The following SDK1 variants were observed in gnomAD, a reference collection of about 807,000 sequenced individuals.
SDK1 encodes protein sidekick-1.
SDK1 carries 157 observed loss-of-function variants against 245.5 expected under a neutral mutation model. That is an observed-to-expected ratio of 0.64 (90% CI 0.56 to 0.73). SDK1 has a LOEUF of 0.73. Among genes scored for constraint, SDK1 ranks in the 30% least tolerant of loss-of-function variants. SDK1 has a pLI of 0.00. For missense variants in SDK1, 3,583 were observed against 3,002.3 expected (o/e 1.19, Z -4.52); for synonymous variants, 1,647 against 1,278.5 (o/e 1.29, Z -6.15).
intron 4 of SDK1, among the ~76,000 whole-genome samples, chr7:3,653,382 C>G (rs1783067745): frequency 6.6e-6 from 1 of 152,072 alleles, no homozygotes; most frequent in South Asian, 2.1e-4. Flanking sequence ...TAGAATGGCA[C>G]TTTTGTTGGG....
intron 4 of SDK1, among the ~76,000 whole-genome samples, chr7:3,679,864 A>G (rs1784044872): frequency 6.6e-6 from 1 of 152,242 alleles, no homozygotes; most frequent in Non-Finnish European, 1.5e-5. Flanking sequence ...TAAAAACAAA[A>G]CATACGCTTA....
intron 14 of SDK1, among the ~76,000 whole-genome samples, chr7:3,992,141 A>G (rs944935457): frequency 6.6e-6 from 1 of 152,188 alleles, no homozygotes; most frequent in African/African-American, 2.4e-5. Context: ...TGCAGGGGCC[A>G]AACCCACATG....
intron 1 of SDK1, among the ~76,000 whole-genome samples, chr7:3,442,178 A>G (rs1242498411): frequency 1.3e-5 from 2 of 152,232 alleles, no homozygotes; most frequent in African/African-American, 4.8e-5. Flanking sequence ...GAGCAGCCTA[A>G]TTCTAGTTAT....
At chr7:4,094,788 G>A (rs1157486855) in intron 22 of SDK1, among the ~76,000 whole-genome samples, 1 of 152,150 alleles carries the variant, frequency 6.6e-6, no homozygotes, top group Non-Finnish European at 1.5e-5. Flanking sequence ...TCAAGCCTAA[G>A]ACCTGACCTC....
At chr7:3,861,484 C>T (rs1470292647) in intron 5 of SDK1, among the ~76,000 whole-genome samples, 1 of 152,086 alleles carries the variant, frequency 6.6e-6, no homozygotes, top group African/African-American at 2.4e-5. Flanking sequence ...TGAACAGTTT[C>T]CACTGACCCC....
At chr7:4,058,154 C>A (rs1052452169) in intron 19 of SDK1, among the ~76,000 whole-genome samples, 1 of 151,508 alleles carries the variant, frequency 6.6e-6, no homozygotes, top group Non-Finnish European at 1.5e-5. Flanking sequence ...ACAAAATAAT[C>A]CAAAAAACAT....
chr7:4,172,025 C>T (rs988749229), intron 32 of SDK1, among the ~76,000 whole-genome samples: 3 of 152,202 alleles, frequency 2.0e-5, no homozygotes, highest in Non-Finnish European at 4.4e-5. Context: ...TGTGTCCAGG[C>T]TGGAGTAGTG....
chr7:3,492,623 A>C (rs1279363734), intron 1 of SDK1, among the ~76,000 whole-genome samples: 1 of 152,248 alleles, frequency 6.6e-6, no homozygotes, highest in East Asian at 1.9e-4. Context: ...TCCTCAGCGT[A>C]GCCAACTTGG....
rs1045334264 is a variant in SDK1, at chr7:4,238,947, A to G, written c.6130+1163A>G. On this transcript the variant is annotated intron_variant, in intron 42 of 44. Coordinates refer to ENST00000404826, the MANE Select transcript of SDK1 (RefSeq NM_152744.4). ...AACACAGTGACCTGGGGCACTGCTC[A>G]GACGTTGATGTTTTGCTGTGGCTCA... Among the ~76,000 whole-genome samples the G allele has an allele frequency of 7.9e-5, 12 of 152,256 alleles. No homozygotes were observed. In the South Asian group the frequency reaches 2.5e-3, roughly 32 times the overall value.
rs569453563 is a variant in SDK1, at chr7:3,590,206, G to A, written c.299-28874G>A. Among the ~76,000 whole-genome samples, 9 of 149,996 alleles carry A rather than the reference G, an allele frequency of 6.0e-5. No individual in the cohort carries two copies. The South Asian group carries it at 1.9e-3, about 32-fold the overall frequency. On this transcript the variant is annotated intron_variant, in intron 1 of 44. Transcript: ENST00000404826. ...GGTTCAGTTTCTTTATGTTTCTTCAGTTTTCTGTTACGGATACTGGAGCAG... is the reference window on the plus strand; with the variant it reads ...GGTTCAGTTTCTTTATGTTTCTTCAATTTTCTGTTACGGATACTGGAGCAG...
chr7:3,836,173 G>A (rs938624636), intron 5 of SDK1, among the ~76,000 whole-genome samples: 10 of 152,324 alleles, frequency 6.6e-5, no homozygotes, highest in Non-Finnish European at 7.3e-5. Context: ...AATAACACTC[G>A]TGTTCATGTT....
intron 3 of SDK1, among the ~76,000 whole-genome samples, chr7:3,640,828 C>A (rs550406689): frequency 6.6e-6 from 1 of 151,976 alleles, no homozygotes; most frequent in African/African-American, 2.4e-5. Context: ...GGATTACAGG[C>A]ACCCACCACC....
chr7:3,825,100 A>G (rs1779737634), intron 5 of SDK1, among the ~76,000 whole-genome samples: 1 of 151,988 alleles, frequency 6.6e-6, no homozygotes, highest in African/African-American at 2.4e-5. Flanking sequence ...TCCTGCATGA[A>G]TTTTTCATGG....
intron 4 of SDK1, among the ~76,000 whole-genome samples, chr7:3,739,997 G>C (rs1049862021): frequency 6.6e-6 from 1 of 152,158 alleles, no homozygotes; most frequent in Non-Finnish European, 1.5e-5. Flanking sequence ...TTTAGCCTCT[G>C]AAGTCTCTTG....
intron 1 of SDK1, among the ~76,000 whole-genome samples, chr7:3,439,726 T>G (rs1289544508): frequency 6.6e-6 from 1 of 152,232 alleles, no homozygotes; most frequent in Non-Finnish European, 1.5e-5. Flanking sequence ...GAAAAAACAT[T>G]GTCATTTATA....
intron 1 of SDK1, among the ~76,000 whole-genome samples, chr7:3,409,622 C>T (rs1209268682): frequency 1.3e-5 from 2 of 152,070 alleles, no homozygotes; most frequent in Admixed American, 1.3e-4. Flanking sequence ...GGGAAGTCCA[C>T]GTAGGAAGAA....
chr7:3,506,872 G>C (rs1235527320), intron 1 of SDK1, among the ~76,000 whole-genome samples: 1 of 149,702 alleles, frequency 6.7e-6, no homozygotes, highest in Non-Finnish European at 1.5e-5. Context: ...TTATTCATTT[G>C]AATTCCTTCC....
chr7:3,828,869 C>A (rs1298083853), intron 5 of SDK1, among the ~76,000 whole-genome samples: 2 of 151,794 alleles, frequency 1.3e-5, no homozygotes, highest in Non-Finnish European at 2.9e-5. Context: ...GTTACCCAGG[C>A]TGGTCTCAAA....
intron 1 of SDK1, among the ~76,000 whole-genome samples, chr7:3,549,957 G>A (rs910224955): frequency 2.6e-5 from 4 of 151,966 alleles, no homozygotes; most frequent in Admixed American, 6.6e-5. Context: ...GCTTTATTTA[G>A]GGTCTCCTTT....
Sources: allele counts gnomAD v4.1 joint callset (sites outside exome capture counted in the v4.1 genomes callset), GRCh38; gene constraint gnomAD v4.1.1; transcripts MANE v1.5; gene names NCBI Gene and HGNC (gene_info 2026-07-23, HGNC 2026-07-21).